NHS: variants seen among roughly 807,000 people sequenced by gnomAD.
The protein encoded by NHS is actin remodeling regulator NHS.
In NHS, 5 loss-of-function variants were observed where a neutral mutation model predicts 72.5. The observed-to-expected ratio is 0.07, with a 90% CI of 0.04 to 0.14. The LOEUF (loss-of-function observed/expected upper bound fraction) is 0.14. Ranked by LOEUF, NHS falls within the 10% of genes least tolerant of loss-of-function variation. The pLI is 1.00. For missense variants in NHS, 1,072 were observed against 1,355.7 expected (o/e 0.79, Z 3.29); for synonymous variants, 464 against 547.7 (o/e 0.85, Z 2.13).
intron 1 of NHS, among the ~76,000 whole-genome samples, chrX:17,524,276 A>G (rs890767381): frequency 1.2e-4 from 13 of 112,063 alleles, no homozygotes; most frequent in African/African-American, 3.9e-4. Context: ...TGAACCATTT[A>G]GGAGTAGGCA....
At chrX:17,561,830 A>C (rs954049154) in intron 1 of NHS, among the ~76,000 whole-genome samples, 4 of 109,241 alleles carry the variant, frequency 3.7e-5, no homozygotes, top group Non-Finnish European at 7.6e-5. Context: ...ATAGGGCAAT[A>C]AAATGTTGAA....
Position 17,732,657 on chromosome X carries a change from T to C in NHS, c.*193T>C. The C allele has an allele frequency of 1.8e-6, 1 of 545,927 alleles. No individual in the cohort carries two copies. Among genetic ancestry groups the C allele is most frequent in the Non-Finnish European group, 2.9e-6 (1 of 339,220 alleles). The allele number at this position is 545,927 out of a possible 1,213,427, so 45.0% of individuals were successfully genotyped here. A position where few individuals can be genotyped will look rare whatever the true frequency, so the allele number is the denominator to read the frequency against. The stretch of plus-strand genomic sequence containing the variant: ...TAGACATTCTTGATTAGTTTCCATA[T>C]TTTAAGTAGCTGCAGTCTTTCATGT... On this transcript the variant is annotated 3_prime_UTR_variant, in exon 9 of 9. Coordinates refer to ENST00000676302, the MANE Select transcript of NHS (RefSeq NM_001291867.2).
intron 1 of NHS, among the ~76,000 whole-genome samples, chrX:17,570,818 G>C (rs918402649): frequency 8.9e-6 from 1 of 111,782 alleles, no homozygotes; most frequent in Non-Finnish European, 1.9e-5. Context: ...GTCATAAATA[G>C]CTCTTATTAT....
At chrX:17,670,254 A>G (rs1441350720) in intron 1 of NHS, among the ~76,000 whole-genome samples, 1 of 112,696 alleles carries the variant, frequency 8.9e-6, no homozygotes, top group African/African-American at 3.2e-5. Context: ...CACCAAACCT[A>G]TTGGTTTGAC....
At chrX:17,502,340 C>T (rs2065039522) in intron 1 of NHS, among the ~76,000 whole-genome samples, 1 of 111,269 alleles carries the variant, frequency 9.0e-6, no homozygotes, top group South Asian at 3.8e-4. Context: ...ACTGCCCTCT[C>T]CCTCTCCATT....
chrX:17,594,376 G>A (rs4825363), intron 1 of NHS, among the ~76,000 whole-genome samples: 38,674 of 110,118 alleles, frequency 0.35, 4,908 homozygotes, highest in East Asian at 0.65. Flanking sequence ...GTCTTTGCTT[G>A]GATATCTATG....
intron 1 of NHS, among the ~76,000 whole-genome samples, chrX:17,476,655 A>G (rs1331913374): frequency 9.0e-6 from 1 of 111,455 alleles, no homozygotes; most frequent in African/African-American, 3.3e-5. Context: ...GAGGGCAACA[A>G]GTAAAGGACA....
chrX:17,541,369 A>T (rs2146952151), intron 1 of NHS, among the ~76,000 whole-genome samples: 1 of 111,287 alleles, frequency 9.0e-6, no homozygotes, highest in East Asian at 2.9e-4. Context: ...AAATCTTTCC[A>T]TTTTTCCCTC....
At chrX:17,694,156 C>T (rs1463032502) in intron 3 of NHS, among the ~76,000 whole-genome samples, 2 of 112,034 alleles carry the variant, frequency 1.8e-5, no homozygotes, top group Non-Finnish European at 3.8e-5. Flanking sequence ...CATTTACTTA[C>T]CCAACAAACA....
At chrX:17,648,753 G>A (rs779709461) in intron 1 of NHS, among the ~76,000 whole-genome samples, 1 of 112,148 alleles carries the variant, frequency 8.9e-6, no homozygotes, top group South Asian at 3.8e-4. Flanking sequence ...CTGCCCAAGA[G>A]ACAGTGTAGT....
intron 1 of NHS, among the ~76,000 whole-genome samples, chrX:17,631,785 G>T (rs1473259036): frequency 1.8e-5 from 2 of 112,114 alleles, no homozygotes; most frequent in South Asian, 3.7e-4. Context: ...GCTTTAAAAA[G>T]ATGAAACTTT....
intron 1 of NHS, among the ~76,000 whole-genome samples, chrX:17,380,419 G>A (rs2064371175): frequency 9.3e-6 from 1 of 106,997 alleles, no homozygotes; most frequent in African/African-American, 3.5e-5. Flanking sequence ...ACTGGGTACA[G>A]TGACTTGATC....
intron 3 of NHS, among the ~76,000 whole-genome samples, chrX:17,699,268 G>C (rs1003346164): frequency 5.4e-5 from 6 of 111,543 alleles, no homozygotes; most frequent in Non-Finnish European, 7.5e-5. Context: ...GGAAAACACT[G>C]AAAAAGGAAA....
chrX:17,521,207 T>C (rs2065146790), intron 1 of NHS, among the ~76,000 whole-genome samples: 1 of 111,424 alleles, frequency 9.0e-6, no homozygotes, highest in Non-Finnish European at 1.9e-5. Flanking sequence ...GAAAGTCTAG[T>C]TGGAGGGATG....
chrX:17,719,488 T>C (rs1383589271), intron 4 of NHS, 82 bp downstream of exon 4: 4 of 775,890 alleles, frequency 5.2e-6, no homozygotes, highest in Admixed American at 3.9e-5. Flanking sequence ...TTTAACTTTA[T>C]GGAAAACTTT....
intron 1 of NHS, among the ~76,000 whole-genome samples, chrX:17,650,048 C>T (rs2065923582): frequency 2.7e-5 from 3 of 111,704 alleles, no homozygotes; most frequent in Non-Finnish European, 3.8e-5. Context: ...GGTCTCAGCA[C>T]GTATTTGAGT....
At chrX:17,578,933 T>C (rs943030998) in intron 1 of NHS, among the ~76,000 whole-genome samples, 12 of 111,635 alleles carry the variant, frequency 1.1e-4, no homozygotes, top group Non-Finnish European at 1.5e-4. Flanking sequence ...ACCCCCTGAC[T>C]CTGTGCGCAT....
At chrX:17,548,641 T>C (rs748068358) in intron 1 of NHS, among the ~76,000 whole-genome samples, 1 of 111,987 alleles carries the variant, frequency 8.9e-6, no homozygotes, top group African/African-American at 3.2e-5. Flanking sequence ...CATACACATG[T>C]ATGCTCTCTC....
intron 1 of NHS, among the ~76,000 whole-genome samples, chrX:17,521,000 C>T (rs953028824): frequency 9.0e-6 from 1 of 111,412 alleles, no homozygotes. Flanking sequence ...ATGGCTGGCT[C>T]GCACGCACAG....
Sources: allele counts gnomAD v4.1 joint callset (sites outside exome capture counted in the v4.1 genomes callset), GRCh38; gene constraint gnomAD v4.1.1; transcripts MANE v1.5; gene names NCBI Gene and HGNC (gene_info 2026-07-23, HGNC 2026-07-21).